NBAS: variants seen among roughly 807,000 people sequenced by gnomAD.
NBAS encodes NAG/BC035112 fusion.
In NBAS, 219 loss-of-function variants were observed where a neutral mutation model predicts 302.5. The observed-to-expected ratio is 0.72, with a 90% CI of 0.65 to 0.81. The LOEUF is 0.81. Among genes scored for constraint, NBAS ranks in the 30% least tolerant of loss-of-function variants. The probability of loss-of-function intolerance (pLI) is 0.00; values close to 1 mark genes in which losing one functional copy is unlikely to be tolerated. For synonymous variants in NBAS, 1,118 were observed against 1,021.6 expected, an observed-to-expected ratio of 1.09 and a Z score of -1.80; for missense variants, 2,932 against 2,841.6, an observed-to-expected ratio of 1.03 and a Z score of -0.72.
At chr2:15,123,381 G>A in the NBAS span, among the ~76,000 whole-genome samples, 10 of 152,264 alleles carry the variant, frequency 6.6e-5, no homozygotes, top group East Asian at 5.8e-4. Context: ...AAGCAGACCC[G>A]GAGACCAGGT....
chr2:15,137,482 T>C, the NBAS span, among the ~76,000 whole-genome samples: 26 of 152,138 alleles, frequency 1.7e-4, no homozygotes, highest in African/African-American at 6.3e-4. Flanking sequence ...TCATGCCAGG[T>C]GAGAAAAATG....
At chr2:14,823,453 T>C in the NBAS span, among the ~76,000 whole-genome samples, 1 of 152,240 alleles carries the variant, frequency 6.6e-6, no homozygotes, top group Non-Finnish European at 1.5e-5. Context: ...ACCTACACAT[T>C]TTGTAATGAG....
chr2:15,034,061 G>GGGA, the NBAS span, among the ~76,000 whole-genome samples: 1 of 92,106 alleles, frequency 1.1e-5, no homozygotes, highest in African/African-American at 5.1e-5. Context: ...GGAGGAGGAG[G>GGGA]AGGGGAAGGA....
the NBAS span, among the ~76,000 whole-genome samples, chr2:14,993,328 C>T: frequency 6.6e-6 from 1 of 152,102 alleles, no homozygotes; most frequent in Admixed American, 6.5e-5. Flanking sequence ...TCATTTCTAC[C>T]ACATCCAAGA....
At chr2:14,948,593 T>C in the NBAS span, among the ~76,000 whole-genome samples, 1 of 151,902 alleles carries the variant, frequency 6.6e-6, no homozygotes, top group South Asian at 2.1e-4. Flanking sequence ...ATGAAGAGGA[T>C]ATTAAAAAAA....
intron 21 of NBAS, among the ~76,000 whole-genome samples, chr2:15,429,983 C>A (rs1677680518): frequency 6.6e-6 from 1 of 152,220 alleles, no homozygotes; most frequent in Middle Eastern, 3.4e-3. Context: ...GAATAAATTA[C>A]AGCAATGAAT....
chr2:14,786,614 G>C, the NBAS span, among the ~76,000 whole-genome samples: 23 of 152,160 alleles, frequency 1.5e-4, no homozygotes, highest in East Asian at 3.9e-4. Flanking sequence ...TGTTCAGTTT[G>C]CATGTAGTTG....
chr2:14,823,086 A>AT, the NBAS span, among the ~76,000 whole-genome samples: 2 of 152,180 alleles, frequency 1.3e-5, no homozygotes, highest in East Asian at 1.9e-4. Flanking sequence ...TTTAGATAGA[A>AT]TTTTTTTAAC....
chr2:14,989,787 G>A, the NBAS span, among the ~76,000 whole-genome samples: 28 of 151,950 alleles, frequency 1.8e-4, no homozygotes, highest in Non-Finnish European at 1.8e-4. Context: ...CCAACAGCTG[G>A]GTAATACATA....
chr2:15,394,082 T>G (rs894265110), intron 28 of NBAS, 145 bp downstream of exon 28: 1 of 951,484 alleles, frequency 1.1e-6, no homozygotes, highest in Non-Finnish European at 1.5e-6. Flanking sequence ...TACACACATA[T>G]CAAAACTTAT....
the NBAS span, among the ~76,000 whole-genome samples, chr2:14,997,090 C>T: frequency 5.3e-5 from 8 of 151,894 alleles, no homozygotes; most frequent in African/African-American, 1.2e-4. Flanking sequence ...ACTAAATTAT[C>T]GGAGCTCCAT....
chr2:15,473,157 C>A (rs1189031807), intron 16 of NBAS, 65 bp downstream of exon 16: 6 of 1,553,014 alleles, frequency 3.9e-6, no homozygotes, highest in South Asian at 1.1e-5. Context: ...TAAAATGAAG[C>A]CCTATAAACA....
intron 51 of NBAS, among the ~76,000 whole-genome samples, chr2:15,177,098 G>A (rs1261830879): frequency 6.6e-6 from 1 of 152,154 alleles, no homozygotes; most frequent in Admixed American, 6.5e-5. Flanking sequence ...GTAGGCAAGT[G>A]ACTCATCTTA....
the NBAS span, among the ~76,000 whole-genome samples, chr2:14,940,726 C>T: frequency 1.3e-5 from 2 of 152,192 alleles, no homozygotes; most frequent in African/African-American, 4.8e-5. Context: ...TGAGAACTTG[C>T]TCTGCTTTGC....
At chr2:14,797,994 G>A in the NBAS span, among the ~76,000 whole-genome samples, 2 of 152,066 alleles carry the variant, frequency 1.3e-5, no homozygotes, top group Non-Finnish European at 2.9e-5. Context: ...AGTAACTTCC[G>A]TGTCAAATCC....
At chr2:14,877,671 T>C in the NBAS span, among the ~76,000 whole-genome samples, 8 of 151,368 alleles carry the variant, frequency 5.3e-5, no homozygotes. Context: ...AATATCATCA[T>C]CCCAAGTTTC....
At chr2:14,977,563 C>T in the NBAS span, among the ~76,000 whole-genome samples, 4 of 152,208 alleles carry the variant, frequency 2.6e-5, no homozygotes, top group African/African-American at 9.6e-5. Flanking sequence ...TACAGCATCA[C>T]ACTTCCCAAG....
intron 42 of NBAS, among the ~76,000 whole-genome samples, chr2:15,284,521 G>C (rs767589026): frequency 1.3e-5 from 2 of 152,110 alleles, no homozygotes; most frequent in Non-Finnish European, 2.9e-5. Context: ...GCTGATGCAG[G>C]TGATACCTCC....
chr2:15,320,048 C>G (rs1311252210), intron 38 of NBAS, among the ~76,000 whole-genome samples: 1 of 152,134 alleles, frequency 6.6e-6, no homozygotes, highest in Non-Finnish European at 1.5e-5. Flanking sequence ...GCTTATCCAC[C>G]ATGATCAAGT....
Sources: gnomAD v4.1 joint callset for allele counts (sites outside exome capture counted in the v4.1 genomes callset) on GRCh38, gnomAD v4.1.1 for gene constraint, MANE v1.5 for transcripts, NCBI Gene and HGNC (gene_info 2026-07-23, HGNC 2026-07-21) for gene names.